ZNF425: variants seen among roughly 807,000 people sequenced by gnomAD.
The protein encoded by ZNF425 is zinc finger protein 425.
Under a neutral mutation model 17.0 loss-of-function variants are expected in ZNF425, and 21 were observed. The observed-to-expected ratio is 1.23, with a 90% CI of 0.88 to 1.78. ZNF425 has a LOEUF of 1.78. Ranked by LOEUF, ZNF425 falls within the 40% of genes most tolerant of loss-of-function variation. The pLI, the probability that ZNF425 is intolerant of heterozygous loss-of-function variation, is 0.00. For synonymous variants in ZNF425, 433 were observed against 384.1 expected (o/e 1.13, Z -1.49); for missense variants, 868 against 967.3 (o/e 0.90, Z 1.36).
intron 3 of ZNF425, 79 bp downstream of exon 3, chr7:149,112,058 C>G (rs1264729398): frequency 6.9e-7 from 1 of 1,440,122 alleles, no homozygotes; most frequent in Admixed American, 1.9e-5. Flanking sequence ...TAGATCTAGT[C>G]AGATATCCAA....
chr7:149,121,133 G>A (rs1486874278), intron 1 of ZNF425, among the ~76,000 whole-genome samples: 1 of 32,636 alleles, frequency 3.1e-5, no homozygotes. Context: ...TCGCTCTGTC[G>A]CCCAGGCTGG....
At chr7:149,111,775 G>C (rs527579018) in intron 3 of ZNF425, among the ~76,000 whole-genome samples, 2 of 151,424 alleles carry the variant, frequency 1.3e-5, no homozygotes, top group African/African-American at 4.8e-5. Flanking sequence ...CGCCTCCCAC[G>C]TTCAAACAAT....
At chr7:149,113,621 A>G (rs141604118) in intron 2 of ZNF425, among the ~76,000 whole-genome samples, 6,493 of 146,216 alleles carry the variant, frequency 0.044, 476 homozygotes, top group African/African-American at 0.15. Context: ...GCATGATCTC[A>G]GCTTACTGGC....
At chr7:149,110,079 T>C (rs1826149289) in intron 3 of ZNF425, among the ~76,000 whole-genome samples, 1 of 151,652 alleles carries the variant, frequency 6.6e-6, no homozygotes, top group Admixed American at 6.6e-5. Flanking sequence ...TTTCATGATA[T>C]TGGCAAGGCT....
chr7:149,121,170 T>C (rs75208705), intron 1 of ZNF425, among the ~76,000 whole-genome samples: 458 of 10,788 alleles, frequency 0.042, 2 homozygotes, highest in Admixed American at 0.057. Context: ...CTCGGCTCAC[T>C]GCAAGCTCCG....
intron 3 of ZNF425, among the ~76,000 whole-genome samples, chr7:149,110,987 G>A (rs1032489271): frequency 6.6e-5 from 10 of 151,714 alleles, no homozygotes; most frequent in African/African-American, 2.2e-4. Flanking sequence ...TAGAGAGGGG[G>A]TTTCGCCATG....
At position 149,103,949 on chromosome 7, in the gene ZNF425, A is replaced by G; in HGVS notation, c.1922T>C (p.Val641Ala). The stretch of plus-strand genomic sequence containing the variant: ...TTGAGTGAAACTTTTGCCGCACATC[A>G]CACAAGAGAATGGCTTTTGGCCACT... Reference protein sequence around the residue: ...QHSGQKPFSCVMCGKSFTQQY... With the variant: ...QHSGQKPFSCAMCGKSFTQQY... Residue 641 changes from valine (V) to alanine (A), a missense_variant, in exon 4 of 4, where the codon GTG becomes GCG. This residue lies in a region of ZNF425 where 437 missense variants were observed against 444.2 expected (regional missense o/e 0.98). Coordinates refer to ENST00000378061, the MANE Select transcript of ZNF425 (RefSeq NM_001001661.3). 2.5e-6 allele frequency: 4 copies of G among 1,613,896 alleles called. No individual in the cohort carries two copies. In the South Asian group the frequency reaches 3.3e-5, roughly 13 times the overall value.
rs776843557 is a variant in ZNF425, at chr7:149,126,116, C to A, written c.18+80G>T. 5 of 1,604,740 alleles carry A rather than the reference C, an allele frequency of 3.1e-6. No individual in the cohort carries two copies. In the East Asian group the frequency reaches 6.8e-5, roughly 22 times the overall value. ...AGGCCCAGGCCCCGGCCGCCCCACT[C>A]CCTGGACGCGGACCCCAATCCAGCT... On this transcript the variant is annotated intron_variant, in intron 1 of 3. Transcript: ENST00000378061.
At position 149,104,766 on chromosome 7, in the gene ZNF425, G is replaced by A. The variant is rs751746322; in HGVS notation, c.1105C>T (p.Arg369Trp). 5 of 1,613,072 alleles carry A rather than the reference G, an allele frequency of 3.1e-6. No individual in the cohort carries two copies. The highest frequency in any genetic ancestry group is 1.3e-5 in the African/African-American group (1 of 75,020). The change falls in exon 4 of 4, where the codon CGG (arginine) becomes TGG (tryptophan). Residue 369 changes from arginine to tryptophan, a missense_variant. By Grantham distance (101) the Arg-to-Trp change is moderately radical. Around this residue, in one of 5 missense-constraint regions of ZNF425, gnomAD observed 243 missense variants for 265.2 expected, o/e 0.92. Coordinates refer to ENST00000378061, the MANE Select transcript of ZNF425 (RefSeq NM_001001661.3). The surrounding 1 kb of genome is among the most constrained non-coding windows in gnomAD (Gnocchi z 4.3). Reference protein sequence around the residue: ...HCPECGRSFSRKAALKTHQRT... With the variant: ...HCPECGRSFSWKAALKTHQRT... ...TGGTGGGTCTTCAGGGCAGCCTTCC[G>A]GGAGAAGCTCCGGCCACACTCGGGA...
intron 1 of ZNF425, among the ~76,000 whole-genome samples, chr7:149,120,375 C>CT (rs1188200697): frequency 6.6e-6 from 1 of 152,158 alleles, no homozygotes; most frequent in Non-Finnish European, 1.5e-5. Context: ...GAATGAGACT[C>CT]TGTCTCAAAA....
intron 1 of ZNF425, among the ~76,000 whole-genome samples, chr7:149,119,579 C>T (rs963510383): frequency 6.6e-6 from 1 of 152,036 alleles, no homozygotes; most frequent in African/African-American, 2.4e-5. Flanking sequence ...TACAGTCAGC[C>T]TTTGTATTCA....
chr7:149,115,808 A>C (rs1278655380), intron 2 of ZNF425, among the ~76,000 whole-genome samples: 2 of 152,110 alleles, frequency 1.3e-5, no homozygotes, highest in African/African-American at 2.4e-5. Context: ...CCTCAGATCA[A>C]GGCTTCATCT....
Position 149,105,405 on chromosome 7 carries a change from T to A in ZNF425, c.466A>T (p.Lys156Ter). Reference sequence around the variant, plus strand: ...TCATATGCTGTGATGCTGACTTTTTTATTTAGAATCTCTGTTTCTCGGAGA... The same window carrying A: ...TCATATGCTGTGATGCTGACTTTTTAATTTAGAATCTCTGTTTCTCGGAGA... ...PSLRETEILN[K>*]KVSITAYDPD... is the part of the protein sequence containing the mutation. Residue 156 changes from lysine (K) to a stop codon, truncating the protein, a stop_gained, in exon 4 of 4, where the codon AAA (lysine) becomes TAA (stop). Coordinates refer to ENST00000378061, the MANE Select transcript of ZNF425 (RefSeq NM_001001661.3). LOFTEE classifies it low-confidence loss of function (END_TRUNC). 1 of 1,579,560 alleles carries A rather than the reference T, an allele frequency of 6.3e-7. No homozygotes were observed.
In ZNF425 at chr7:149,118,245, T is replaced by C. The variant is rs549520699; in HGVS notation, c.122A>G (p.Asn41Ser). The change falls in exon 2 of 4, where the codon AAT becomes AGT. Residue 41 changes from asparagine to serine, a missense_variant. Physicochemically the swap from Asn to Ser is conservative, Grantham distance 46. Transcript: ENST00000378061. ...KQMYKQEMKT[N>S]YETLDSLGYA... ...ACCCAGGGAATCAAGGGTCTCGTAATTGGTCTTCATCTCTTGCTTATACAT... is the reference window on the plus strand; with the variant it reads ...ACCCAGGGAATCAAGGGTCTCGTAACTGGTCTTCATCTCTTGCTTATACAT... 3.2e-5 allele frequency: 51 copies of C among 1,614,110 alleles called. 1 individual carries two copies. In the South Asian group the frequency reaches 4.7e-4, roughly 15 times the overall value.
chr7:149,115,175 C>T (rs1419180665), intron 2 of ZNF425, among the ~76,000 whole-genome samples: 1 of 146,084 alleles, frequency 6.8e-6, no homozygotes, highest in Non-Finnish European at 1.5e-5. Context: ...GTCTCAAACT[C>T]CTTATCTCAA....
intron 3 of ZNF425, 25 bp from the exon 4 acceptor site, chr7:149,105,591 T>C (rs769565932): frequency 6.7e-6 from 10 of 1,487,534 alleles, no homozygotes; most frequent in Non-Finnish European, 8.9e-7. Flanking sequence ...AGTATCACTC[T>C]CATCAGTGAT....
Position 149,104,548 on chromosome 7 carries a change from G to A in ZNF425, c.1323C>T (p.Pro441=). ...AHGLQHIGKR[P]FQCPECSRGF... ...CCCTGCTGCACTCCGGGCACTGGAA[G>A]GGCCGCTTCCCAATGTGCTGCAGCC... Residue 441 remains proline (P), a synonymous_variant, in exon 4 of 4, where the codon CCC becomes CCT. Coordinates refer to ENST00000378061, the MANE Select transcript of ZNF425 (RefSeq NM_001001661.3). The surrounding 1 kb of genome is among the most constrained non-coding windows in gnomAD (Gnocchi z 4.3). The A allele has an allele frequency of 6.2e-7, 1 of 1,612,032 alleles. No homozygotes were observed. Among genetic ancestry groups the A allele is most frequent in the South Asian group, 1.1e-5 (1 of 90,894 alleles).
At chr7:149,124,807 C>G (rs907241720) in intron 1 of ZNF425, among the ~76,000 whole-genome samples, 12 of 152,220 alleles carry the variant, frequency 7.9e-5, no homozygotes, top group African/African-American at 2.9e-4. Context: ...TCCCAAAGTG[C>G]TGGGATTACT....
intron 1 of ZNF425, among the ~76,000 whole-genome samples, chr7:149,123,692 C>T (rs147083533): frequency 0.036 from 5,538 of 151,966 alleles, 329 homozygotes; most frequent in African/African-American, 0.13. Context: ...CCACCACACC[C>T]GGCTAATTTT....
Sources: gnomAD v4.1 joint callset for allele counts (sites outside exome capture counted in the v4.1 genomes callset) on GRCh38, gnomAD v4.1.1 for gene constraint, gnomAD v4.1.1 regional missense constraint, Gnocchi (gnomAD v3.1) non-coding constraint, MANE v1.5 for transcripts, NCBI Gene and HGNC (gene_info 2026-07-23, HGNC 2026-07-21) for gene names.